Variants in FHIT observed in about 807,000 individuals in gnomAD.
FHIT encodes fragile histidine triad diadenosine triphosphatase.
In FHIT, 19 loss-of-function variants were observed where a neutral mutation model predicts 17.9. The observed-to-expected ratio is 1.06, with a 90% CI of 0.74 to 1.56. FHIT has a LOEUF of 1.56. FHIT is among the 40% of genes most tolerant of loss of function. FHIT has a pLI of 0.00. For missense variants in FHIT, 248 were observed against 189.2 expected (o/e 1.31, Z -1.82); for synonymous variants, 81 against 69.7 (o/e 1.16, Z -0.81).
intron 4 of FHIT, chr3:60,553,497 A>T (rs1000918431): frequency 3.2e-5 from 3 of 94,476 alleles, no homozygotes; most frequent in African/African-American, 7.7e-5. Flanking sequence ...ATATATATTT[A>T]AAAAAATATA....
At chr3:60,564,996 T>C (rs2037082013) in intron 4 of FHIT, among the ~76,000 whole-genome samples, 1 of 152,176 alleles carries the variant, frequency 6.6e-6, no homozygotes, top group Admixed American at 6.6e-5. Context: ...CAAACTTCAT[T>C]TTTATTGTAA....
At chr3:60,548,586 A>G (rs956779199) in intron 4 of FHIT, among the ~76,000 whole-genome samples, 2 of 152,220 alleles carry the variant, frequency 1.3e-5, no homozygotes, top group Middle Eastern at 3.4e-3. Context: ...ATGTTTTTGG[A>G]AGAAAAAGAG....
intron 4 of FHIT, among the ~76,000 whole-genome samples, chr3:60,783,963 C>T (rs1308221988): frequency 1.3e-5 from 2 of 152,174 alleles, no homozygotes; most frequent in Non-Finnish European, 2.9e-5. Flanking sequence ...AATAAAAGCA[C>T]TATGGACTTT....
At chr3:61,221,291 T>G (rs1372279546) in intron 1 of FHIT, among the ~76,000 whole-genome samples, 1 of 152,212 alleles carries the variant, frequency 6.6e-6, no homozygotes, top group Non-Finnish European at 1.5e-5. Flanking sequence ...GGATGACATT[T>G]TAAGTCAAAT....
chr3:61,161,601 C>T (rs2037697562), intron 2 of FHIT, among the ~76,000 whole-genome samples: 13 of 152,182 alleles, frequency 8.5e-5, no homozygotes, highest in Admixed American at 8.5e-4. Context: ...ACTTTCTTAT[C>T]TTGCCATTTC....
chr3:60,078,349 C>T (rs1400531872), intron 5 of FHIT, among the ~76,000 whole-genome samples: 1 of 152,120 alleles, frequency 6.6e-6, no homozygotes, highest in Non-Finnish European at 1.5e-5. Context: ...GGATATAATA[C>T]TACCTCTGTA....
chr3:59,800,513 G>T (rs1379842470), intron 8 of FHIT, among the ~76,000 whole-genome samples: 1 of 152,170 alleles, frequency 6.6e-6, no homozygotes, highest in Non-Finnish European at 1.5e-5. Context: ...TTTTACTCCT[G>T]GTTCAGAGAG....
chr3:59,775,288 G>GT (rs1453105414), intron 8 of FHIT, among the ~76,000 whole-genome samples: 1 of 152,130 alleles, frequency 6.6e-6, no homozygotes, highest in Admixed American at 6.6e-5. Flanking sequence ...CAATGCTGGA[G>GT]TGACCTCTCT....
chr3:60,636,070 A>ATTTT (rs3037240), intron 4 of FHIT, among the ~76,000 whole-genome samples: 6,714 of 146,928 alleles, frequency 0.046, 268 homozygotes, highest in Admixed American at 0.12. Context: ...TTGTACAATG[A>ATTTT]TTTTTTTTTT....
At chr3:60,158,551 A>G (rs1040330801) in intron 5 of FHIT, among the ~76,000 whole-genome samples, 3 of 152,118 alleles carry the variant, frequency 2.0e-5, no homozygotes, top group Admixed American at 2.0e-4. Context: ...ACCTCAGATG[A>G]TCCGCCCGCC....
intron 1 of FHIT, 108 bp from the exon 2 acceptor site, chr3:61,200,773 A>T (rs1324203437): frequency 6.6e-6 from 1 of 152,542 alleles, no homozygotes; most frequent in East Asian, 1.9e-4. Flanking sequence ...ATATGGTGCT[A>T]GCCAAATAAA....
chr3:60,031,721 G>A (rs907296197), intron 5 of FHIT, among the ~76,000 whole-genome samples: 3 of 152,116 alleles, frequency 2.0e-5, no homozygotes, highest in African/African-American at 7.2e-5. Context: ...ATTATCAACA[G>A]GTAATTTGGG....
chr3:60,621,678 C>G (rs573244059), intron 4 of FHIT, among the ~76,000 whole-genome samples: 1 of 152,132 alleles, frequency 6.6e-6, no homozygotes, highest in East Asian at 1.9e-4. Context: ...CAGCAATAGT[C>G]ACATAGTATG....
Position 60,014,076 on chromosome 3 carries a change from C to A in FHIT, c.180G>T (p.Gln60His). Residue 60 changes from glutamine (Q) to histidine (H), a missense_variant, in exon 6 of 10, where the codon CAG (glutamine) becomes CAT (histidine). Gln to His is a conservative substitution (Grantham distance 24). Coordinates refer to ENST00000492590, the MANE Select transcript of FHIT (RefSeq NM_002012.4). ...CCACTGTCCCGACTCTCTGGGTCGT[C>A]TGAAACAAATCGGCCACTTCATCAG... is the stretch of plus-strand genomic sequence containing the variant. ...LRPDEVADLFQTTQRVGTVVE... is the reference protein window; with the variant it reads ...LRPDEVADLFHTTQRVGTVVE... 1.2e-6 allele frequency: 2 copies of A among 1,614,082 alleles called. No individual in the cohort carries two copies. The highest frequency in any genetic ancestry group is 2.2e-5 in the East Asian group (1 of 44,844).
At chr3:61,035,828 G>A (rs1028124023) in intron 3 of FHIT, among the ~76,000 whole-genome samples, 13 of 152,096 alleles carry the variant, frequency 8.5e-5, no homozygotes, top group Non-Finnish European at 4.4e-5. Flanking sequence ...TTTTACTCTA[G>A]TTAGTCCCTC....
intron 5 of FHIT, among the ~76,000 whole-genome samples, chr3:60,136,374 T>A (rs1038203526): frequency 1.3e-5 from 2 of 152,172 alleles, no homozygotes; most frequent in Non-Finnish European, 2.9e-5. Context: ...AACAGTTCTG[T>A]GGAACTGTGC....
At chr3:60,374,974 G>C (rs140365072) in intron 5 of FHIT, among the ~76,000 whole-genome samples, 318 of 152,098 alleles carry the variant, frequency 2.1e-3, no homozygotes, top group African/African-American at 7.2e-3. Flanking sequence ...AGTCAGGGAA[G>C]GTTTCTGCAA....
chr3:60,247,623 C>T (rs1311659521), intron 5 of FHIT, among the ~76,000 whole-genome samples: 1 of 152,132 alleles, frequency 6.6e-6, no homozygotes, highest in Non-Finnish European at 1.5e-5. Context: ...GCCTCTGGCT[C>T]TCAACTTATG....
chr3:60,105,223 T>C (rs1308033186), intron 5 of FHIT, among the ~76,000 whole-genome samples: 1 of 152,194 alleles, frequency 6.6e-6, no homozygotes, highest in Non-Finnish European at 1.5e-5. Context: ...CACTCACTGG[T>C]TCTGAGTATA....
Sources: gnomAD v4.1 joint callset for allele counts (sites outside exome capture counted in the v4.1 genomes callset) on GRCh38, gnomAD v4.1.1 for gene constraint, MANE v1.5 for transcripts, NCBI Gene and HGNC (gene_info 2026-07-23, HGNC 2026-07-21) for gene names.